ELOA: variants seen among roughly 807,000 people sequenced by gnomAD.
The protein encoded by ELOA is elongin-A.
Under a neutral mutation model 85.2 loss-of-function variants are expected in ELOA, and 15 were observed. That is an observed-to-expected ratio of 0.18 (90% CI 0.12 to 0.27). The LOEUF (loss-of-function observed/expected upper bound fraction) is 0.27, where lower values mean the gene tolerates loss of function less well. Ranked by LOEUF, ELOA falls within the 10% of genes least tolerant of loss-of-function variation. ELOA has a pLI of 1.00. For synonymous variants in ELOA, 348 were observed against 357.2 expected, an observed-to-expected ratio of 0.97 and a Z score of 0.29; for missense variants, 769 against 952.7, an observed-to-expected ratio of 0.81 and a Z score of 2.54.
intron 3 of ELOA, among the ~76,000 whole-genome samples, chr1:23,750,453 T>C (rs769597952): frequency 6.6e-6 from 1 of 152,198 alleles, no homozygotes; most frequent in Non-Finnish European, 1.5e-5. Context: ...GTGCTGGGAT[T>C]ACAGGCGTGA....
chr1:23,751,588 C>G lies in ELOA; in HGVS notation c.983C>G (p.Pro328Arg), dbSNP rs775509037. The G allele has an allele frequency of 6.2e-7, 1 of 1,614,144 alleles. No individual in the cohort carries two copies. Among genetic ancestry groups the G allele is most frequent in the South Asian group, 1.1e-5 (1 of 91,080 alleles). Reference sequence around the variant, plus strand: ...GCTTCAGACAACCACCTGAAAAAGCCAAAGCACAGAGACCCAGAGAAAGCC... The same window carrying G: ...GCTTCAGACAACCACCTGAAAAAGCGAAAGCACAGAGACCCAGAGAAAGCC... ...EAASDNHLKK[P>R]KHRDPEKAKL... Residue 328 changes from proline (P) to arginine (R), a missense_variant, in exon 4 of 11, where the codon CCA becomes CGA. Pro to Arg is a moderately radical substitution (Grantham distance 103, BLOSUM62 -2). Coordinates refer to ENST00000613537, the MANE Select transcript of ELOA (RefSeq NM_003198.3).
intron 6 of ELOA, 51 bp from the exon 7 acceptor site, chr1:23,754,312 A>G (rs1392637440): frequency 6.2e-7 from 1 of 1,613,934 alleles, no homozygotes; most frequent in African/African-American, 1.3e-5. Flanking sequence ...GGACCTTATC[A>G]CTGGGTGGCT....
At chr1:23,750,748 C>G in intron 3 of ELOA, 97 bp from the exon 4 acceptor site, 5 of 1,188,692 alleles carry the variant, frequency 4.2e-6, no homozygotes, top group Non-Finnish European at 5.8e-6. Flanking sequence ...GTTTCTAACT[C>G]TGCATCTTCA....
chr1:23,754,714 G>C (rs1006948114), intron 7 of ELOA, among the ~76,000 whole-genome samples: 5 of 152,314 alleles, frequency 3.3e-5, no homozygotes, highest in East Asian at 1.9e-4. Flanking sequence ...CATCTCCCTT[G>C]AGCTTGCCTA....
chr1:23,757,182 A>G (rs1644798030), intron 10 of ELOA, 57 bp downstream of exon 10: 2 of 1,479,116 alleles, frequency 1.4e-6, no homozygotes, highest in East Asian at 4.9e-5. Context: ...TTTAACTCTC[A>G]ATGTCATTAT....
chr1:23,754,722 C>G (rs1570593099), intron 7 of ELOA, among the ~76,000 whole-genome samples: 1 of 152,168 alleles, frequency 6.6e-6, no homozygotes, highest in Non-Finnish European at 1.5e-5. Flanking sequence ...TTGAGCTTGC[C>G]TAGTCATGAA....
chr1:23,759,439 T>C (rs893980825), intron 10 of ELOA, 73 bp from the exon 11 acceptor site: 1 of 1,482,020 alleles, frequency 6.7e-7, no homozygotes, highest in Admixed American at 1.7e-5. Flanking sequence ...GAGCTGGCTT[T>C]GACTGTAAAC....
chr1:23,752,329 G>A, intron 4 of ELOA, 78 bp from the exon 5 acceptor site: 1 of 1,397,294 alleles, frequency 7.2e-7, no homozygotes, highest in South Asian at 1.2e-5. Flanking sequence ...TCCAGTTAAT[G>A]CTCCCGGGAA....
intron 1 of ELOA, among the ~76,000 whole-genome samples, chr1:23,747,314 C>CT (rs1447076286): frequency 6.6e-6 from 1 of 152,182 alleles, no homozygotes; most frequent in Non-Finnish European, 1.5e-5. Flanking sequence ...CTTCTCCTGG[C>CT]TTTACTTAAC....
rs1179741313 is a variant in ELOA at position 23,751,198 on chromosome 1, A to G, written c.593A>G (p.Glu198Gly). ...TACGTCGACCACTACAGATCCCTGG[A>G]GGAGGACCAGGAGCCCATTGTTTCA... Reference protein sequence around the residue: ...QMYVDHYRSLEEDQEPIVSHQ... With the variant: ...QMYVDHYRSLGEDQEPIVSHQ... The change falls in exon 4 of 11, where the codon GAG becomes GGG. Residue 198 changes from glutamate (E) to glycine (G), a missense_variant. Coordinates refer to ENST00000613537, the MANE Select transcript of ELOA (RefSeq NM_003198.3). 1 of 1,614,214 alleles carries G rather than the reference A, an allele frequency of 6.2e-7. No individual in the cohort carries two copies. The highest frequency in any genetic ancestry group is 1.1e-5 in the South Asian group (1 of 91,086).
chr1:23,743,899 G>C (rs985016549), intron 1 of ELOA: 1 of 220,670 alleles, frequency 4.5e-6, no homozygotes, highest in South Asian at 1.8e-4. Flanking sequence ...CTGCGGGAGA[G>C]CGTGCCCGGG....
rs1167410157 is a variant in ELOA, at chr1:23,750,860, T to C, written c.255T>C (p.Asp85=). 1.3e-6 allele frequency: 2 copies of C among 1,583,486 alleles called. No individual in the cohort carries two copies. Among genetic ancestry groups the C allele is most frequent in the East Asian group, 2.2e-5 (1 of 44,628 alleles). Residue 85 remains aspartate (D), a synonymous_variant, in exon 4 of 11, where the codon GAT becomes GAC. Coordinates refer to ENST00000613537, the MANE Select transcript of ELOA (RefSeq NM_003198.3). The stretch of plus-strand genomic sequence containing the variant: ...TTTATTTTAGAAATGCTGAGCCTGA[T>C]GAACAGGACTTTGAGAAGAGCAATT... ...LVPVERNAEP[D]EQDFEKSNSR...
rs772597008 is a variant in ELOA, at chr1:23,756,994, C to G, written c.2126C>G (p.Ser709Cys). 1 of 1,592,830 alleles carries G rather than the reference C, an allele frequency of 6.3e-7. No individual in the cohort carries two copies. Among genetic ancestry groups the G allele is most frequent in the Non-Finnish European group, 8.5e-7 (1 of 1,172,248 alleles). The change falls in exon 10 of 11, where the codon TCC (serine) becomes TGC (cysteine). Residue 709 changes from serine (S) to cysteine (C), a missense_variant. Coordinates refer to ENST00000613537, the MANE Select transcript of ELOA (RefSeq NM_003198.3). Reference protein sequence around the residue: ...APYPMGSSHASASSISFNPSP... With the variant: ...APYPMGSSHACASSISFNPSP... Reference sequence around the variant, plus strand: ...TACCCCATGGGAAGCAGCCATGCTTCCGCCAGTAGCATCAGCTTTAACCCC... The same window carrying G: ...TACCCCATGGGAAGCAGCCATGCTTGCGCCAGTAGCATCAGCTTTAACCCC...
At chr1:23,745,655 A>G (rs946224174) in intron 1 of ELOA, among the ~76,000 whole-genome samples, 27 of 152,312 alleles carry the variant, frequency 1.8e-4, no homozygotes, top group African/African-American at 4.8e-4. Context: ...GTCGGCATTC[A>G]GATATGAGTT....
Position 23,760,796 on chromosome 1 carries a change from A to G in ELOA, c.*1223A>G, listed in dbSNP as rs999423152. The G allele has an allele frequency of 5.9e-5, 9 of 152,298 alleles. No individual in the cohort carries two copies. The highest frequency in any genetic ancestry group is 2.2e-4 in the African/African-American group (9 of 41,556). The allele number at this position is 152,298 out of a possible 1,614,324, so 9.4% of individuals were successfully genotyped here. A position where few individuals can be genotyped will look rare whatever the true frequency, so the allele number is the denominator to read the frequency against. Reference sequence around the variant, plus strand: ...CCACAGCGTCAGGATGGGGGAAACCACATGGGATCCATCAAGTTCCAGTTG... The same window carrying G: ...CCACAGCGTCAGGATGGGGGAAACCGCATGGGATCCATCAAGTTCCAGTTG... On this transcript the variant is annotated 3_prime_UTR_variant, in exon 11 of 11. Coordinates refer to ENST00000613537, the MANE Select transcript of ELOA (RefSeq NM_003198.3).
intron 3 of ELOA, among the ~76,000 whole-genome samples, chr1:23,750,194 G>A (rs369059128): frequency 2.0e-4 from 2 of 10,156 alleles, no homozygotes; most frequent in Admixed American, 8.0e-4. Context: ...TTTTTTTTTT[G>A]AGACAGAGTC....
chr1:23,751,613 C>G lies in ELOA; in HGVS notation c.1008C>G (p.Ala336=). ...CAAAGCACAGAGACCCAGAGAAAGC[C>G]AAATTGGACAAAAGCAAGCAAGGTC... The part of the protein sequence containing the change: ...KKPKHRDPEK[A]KLDKSKQGLD... The change falls in exon 4 of 11, where the codon GCC becomes GCG. Residue 336 remains alanine (A), a synonymous_variant. Coordinates refer to ENST00000613537, the MANE Select transcript of ELOA (RefSeq NM_003198.3). The G allele has an allele frequency of 6.2e-7, 1 of 1,614,172 alleles. No individual in the cohort carries two copies. The highest frequency in any genetic ancestry group is 8.5e-7 in the Non-Finnish European group (1 of 1,180,044).
intron 4 of ELOA, 74 bp downstream of exon 4, chr1:23,752,104 C>T: frequency 7.1e-7 from 1 of 1,407,748 alleles, no homozygotes; most frequent in Non-Finnish European, 9.6e-7. Context: ...ATTGCCCTGC[C>T]ACTGTTTTCC....
intron 7 of ELOA, 76 bp downstream of exon 7, chr1:23,754,536 C>T: frequency 8.5e-7 from 1 of 1,177,206 alleles, no homozygotes; most frequent in Non-Finnish European, 1.3e-6. Flanking sequence ...CCCTGTGACT[C>T]CGCTGTGGCT....
Sources: gnomAD v4.1 joint callset for allele counts (sites outside exome capture counted in the v4.1 genomes callset) on GRCh38, gnomAD v4.1.1 for gene constraint, MANE v1.5 for transcripts, NCBI Gene and HGNC (gene_info 2026-07-23, HGNC 2026-07-21) for gene names.